The following GPR37 variants were observed in gnomAD, a reference collection of about 807,000 sequenced individuals.
GPR37 encodes G protein-coupled receptor 37.
GPR37 carries 20 observed loss-of-function variants against 43.6 expected under a neutral mutation model. That is an observed-to-expected ratio of 0.46 (90% confidence interval 0.32 to 0.67). The LOEUF is 0.67. GPR37 is among the 30% of genes least tolerant of loss of function. The pLI is 0.03. For missense variants in GPR37, 724 were observed against 797.2 expected (o/e 0.91, Z 1.11); for synonymous variants, 315 against 322.6 (o/e 0.98, Z 0.25).
At chr7:124,749,370 A>T (rs1424391081) in intron 1 of GPR37, among the ~76,000 whole-genome samples, 1 of 152,096 alleles carries the variant, frequency 6.6e-6, no homozygotes, top group African/African-American at 2.4e-5. Flanking sequence ...TGCTGGTAGG[A>T]AGGTTTAAGA....
At chr7:124,753,953 C>A (rs1461484449) in intron 1 of GPR37, among the ~76,000 whole-genome samples, 7 of 151,918 alleles carry the variant, frequency 4.6e-5, no homozygotes, top group Non-Finnish European at 7.4e-5. Flanking sequence ...AGTTACATGA[C>A]AACAATGACT....
At position 124,764,181 on chromosome 7, in the gene GPR37, A is replaced by G. The variant is rs2116329912; in HGVS notation, c.796T>C (p.Cys266Arg). ...QESYGAYAVMCLSVVIFGTGI... is the reference protein window; with the variant it reads ...QESYGAYAVMRLSVVIFGTGI... Reference sequence around the variant, plus strand: ...GTCCCGAAGATCACCACGGACAGACACATGACCGCGTAGGCTCCATAGGAC... The same window carrying G: ...GTCCCGAAGATCACCACGGACAGACGCATGACCGCGTAGGCTCCATAGGAC... The change falls in exon 1 of 2, where the codon TGT becomes CGT. Residue 266 changes from cysteine (C) to arginine (R), a missense_variant. Physicochemically the swap from Cys to Arg is radical, Grantham distance 180 (BLOSUM62 -3). Around this residue, in one of 2 missense-constraint regions of GPR37, gnomAD observed 382 missense variants for 355.4 expected, o/e 1.07. Coordinates refer to ENST00000303921, the MANE Select transcript of GPR37 (RefSeq NM_005302.5). This position sits in a 1 kb window ranked among gnomAD's most constrained non-coding sequence, Gnocchi z 5.4. 7 of 1,596,614 alleles carry G rather than the reference A, an allele frequency of 4.4e-6. No individual in the cohort carries two copies. The highest frequency in any genetic ancestry group is 1.1e-5 in the South Asian group (1 of 87,386).
chr7:124,759,457 C>T (rs1185476250), intron 1 of GPR37, among the ~76,000 whole-genome samples: 5 of 152,226 alleles, frequency 3.3e-5, no homozygotes, highest in Non-Finnish European at 7.3e-5. Flanking sequence ...TTGCAATCCA[C>T]ACCCACACAT....
In GPR37 at chr7:124,764,333, G is replaced by A. The variant is rs776021648; in HGVS notation, c.644C>T (p.Pro215Leu). 6.2e-6 allele frequency: 10 copies of A among 1,612,230 alleles called. No homozygotes were observed. The highest frequency in any genetic ancestry group is 2.2e-5 in the South Asian group (2 of 90,964). ...TCCATTCTGGGCCAGCGCCCGGCCCGGGAGTGCAATTGTCCACCCTTCGTG... is the reference window on the plus strand; with the variant it reads ...TCCATTCTGGGCCAGCGCCCGGCCCAGGAGTGCAATTGTCCACCCTTCGTG... ...AGHEGWTIAL[P>L]GRALAQNGSL... The change falls in exon 1 of 2, where the codon CCG (proline) becomes CTG (leucine). Residue 215 changes from proline to leucine, a missense_variant. Physicochemically the swap from Pro to Leu is moderately conservative, Grantham distance 98. Transcript: ENST00000303921. The surrounding 1 kb of genome is among the most constrained non-coding windows in gnomAD (Gnocchi z 5.4).
At position 124,746,450 on chromosome 7, in the gene GPR37, GAA is replaced by G; in HGVS notation, c.*73_*74del. The G allele has an allele frequency of 8.9e-7, 1 of 1,129,606 alleles. No individual in the cohort carries two copies. The highest frequency in any genetic ancestry group is 1.2e-6 in the Non-Finnish European group (1 of 808,222). 70.0% of individuals were successfully genotyped at this position (1,129,606 alleles called of 1,614,324 possible). ...TCTTTTTTGCATTTTTCCCTATAAG[GAA>G]AAATATGAATTAAAAACTTTCACGG... On this transcript the variant is annotated 3_prime_UTR_variant, in exon 2 of 2. Transcript: ENST00000303921.
intron 1 of GPR37, among the ~76,000 whole-genome samples, chr7:124,752,532 C>T (rs1399737494): frequency 6.6e-6 from 1 of 152,100 alleles, no homozygotes; most frequent in Admixed American, 6.6e-5. Context: ...CACTGTGACT[C>T]CCCTTGATCT....
chr7:124,745,856 C>T lies in GPR37; in HGVS notation c.*669G>A, dbSNP rs1395038704. The T allele has an allele frequency of 6.6e-6, 1 of 152,134 alleles. No individual in the cohort carries two copies. Among genetic ancestry groups the T allele is most frequent in the Non-Finnish European group, 1.5e-5 (1 of 68,022 alleles). 9.4% of individuals were successfully genotyped at this position (152,134 alleles called of 1,614,324 possible). On this transcript the variant is annotated 3_prime_UTR_variant, in exon 2 of 2. Transcript: ENST00000303921. ...TATTAAAAATACAGCTTTGTTTTAA[C>T]ATACAACATAGTTTTATGAATCATG...
chr7:124,751,093 A>G (rs1793725330), intron 1 of GPR37, among the ~76,000 whole-genome samples: 1 of 152,096 alleles, frequency 6.6e-6, no homozygotes, highest in Admixed American at 6.6e-5. Context: ...TCTGTTTTCA[A>G]ATTGAACTTT....
In GPR37 at chr7:124,744,508, C is replaced by G. The variant is rs940837747; in HGVS notation, c.*2017G>C. The G allele has an allele frequency of 2.0e-5, 3 of 152,144 alleles. No homozygotes were observed. The highest frequency in any genetic ancestry group is 4.4e-5 in the Non-Finnish European group (3 of 68,040). The allele number at this position is 152,144 out of a possible 1,614,324, so 9.4% of individuals were successfully genotyped here. A position where few individuals can be genotyped will look rare whatever the true frequency, so the allele number is the denominator to read the frequency against. On this transcript the variant is annotated 3_prime_UTR_variant, in exon 2 of 2. Coordinates refer to ENST00000303921, the MANE Select transcript of GPR37 (RefSeq NM_005302.5). ...CTATTCCTTTATAAATTAGCTCTCT[C>G]CTCCTGAAGTGTCCACTCCTCACAC...
Position 124,764,137 on chromosome 7 carries a change from C to T in GPR37, c.840G>A (p.Leu280=). Residue 280 remains leucine, a synonymous_variant, in exon 1 of 2, where the codon CTG becomes CTA. Coordinates refer to ENST00000303921, the MANE Select transcript of GPR37 (RefSeq NM_005302.5). The surrounding 1 kb of genome is among the most constrained non-coding windows in gnomAD (Gnocchi z 5.4). ...VIFGTGIIGN[L]AVMCIVCHNY... ...TGTGGCACACGATGCACATCACCGC[C>T]AGGTTGCCAATGATGCCGGTCCCGA... 6.2e-7 allele frequency: 1 copy of T among 1,609,308 alleles called. No homozygotes were observed. The highest frequency in any genetic ancestry group is 8.5e-7 in the Non-Finnish European group (1 of 1,177,176).
chr7:124,753,459 A>G (rs546317598), intron 1 of GPR37, among the ~76,000 whole-genome samples: 1 of 152,168 alleles, frequency 6.6e-6, no homozygotes, highest in East Asian at 1.9e-4. Flanking sequence ...TCCTTGCCTC[A>G]GTTTTCTTAA....
At chr7:124,760,619 AAAAAG>A (rs1562960078) in intron 1 of GPR37, among the ~76,000 whole-genome samples, 2 of 152,222 alleles carry the variant, frequency 1.3e-5, no homozygotes, top group African/African-American at 4.8e-5. Context: ...AGTGGATTAA[AAAAAG>A]AAAAAATTTT....
intron 1 of GPR37, among the ~76,000 whole-genome samples, chr7:124,762,140 T>C (rs1305509193): frequency 2.0e-5 from 3 of 152,184 alleles, no homozygotes; most frequent in African/African-American, 7.2e-5. Flanking sequence ...ATTACATTTG[T>C]ACAAACTCAG....
intron 1 of GPR37, among the ~76,000 whole-genome samples, chr7:124,757,151 G>A (rs755641638): frequency 3.9e-5 from 6 of 151,978 alleles, no homozygotes; most frequent in East Asian, 1.9e-4. Context: ...CTAAAGTATC[G>A]CCCTTGTCCA....
rs558713213 is a variant in GPR37, at chr7:124,746,446, T to G, written c.*79A>C. ...TGTTTCTTTTTTGCATTTTTCCCTA[T>G]AAGGAAAAATATGAATTAAAAACTT... On this transcript the variant is annotated 3_prime_UTR_variant, in exon 2 of 2. Transcript: ENST00000303921. 8 of 1,070,596 alleles carry G rather than the reference T, an allele frequency of 7.5e-6. No homozygotes were observed. The African/African-American group carries it at 1.1e-4, about 15-fold the overall frequency. 66.3% of individuals were successfully genotyped at this position (1,070,596 alleles called of 1,614,324 possible). A position where few individuals can be genotyped will look rare whatever the true frequency, so the allele number is the denominator to read the frequency against.
rs1244079567 is a variant in GPR37 at position 124,745,348 on chromosome 7, C to T, written c.*1177G>A. Among the ~76,000 whole-genome samples the T allele has an allele frequency of 1.3e-5, 2 of 152,142 alleles. No homozygotes were observed. Among genetic ancestry groups the T allele is most frequent in the East Asian group, 1.9e-4 (1 of 5,188 alleles). On this transcript the variant is annotated 3_prime_UTR_variant, in exon 2 of 2. Coordinates refer to ENST00000303921, the MANE Select transcript of GPR37 (RefSeq NM_005302.5). Reference sequence around the variant, plus strand: ...CCACCTGAGTTAGACATGTGTCCCACACAGCAAGCATCCTACACAACTGCT... The same window carrying T: ...CCACCTGAGTTAGACATGTGTCCCATACAGCAAGCATCCTACACAACTGCT...
At position 124,754,037 on chromosome 7, in the gene GPR37, C is replaced by T. The variant is rs36200536; in HGVS notation, c.1024-6694G>A. On this transcript the variant is annotated intron_variant, in intron 1 of 1. Coordinates refer to ENST00000303921, the MANE Select transcript of GPR37 (RefSeq NM_005302.5). ...AATGTATCGCTCTTTCCAGTAATTT[C>T]AAGTCCCATGTTTCCCTAGGTTTCT... 2.2e-4 allele frequency among the ~76,000 whole-genome samples: 33 copies of T among 152,126 alleles called. No individual in the cohort carries two copies. In the East Asian group the frequency reaches 5.8e-3, roughly 27 times the overall value.
chr7:124,752,804 A>G (rs1793747709), intron 1 of GPR37, among the ~76,000 whole-genome samples: 1 of 152,154 alleles, frequency 6.6e-6, no homozygotes. Context: ...TTGACTGTTT[A>G]TTAACAATGC....
At position 124,746,539 on chromosome 7, in the gene GPR37, C is replaced by T. The variant is rs1364344322; in HGVS notation, c.1828G>A (p.Gly610Arg). 5.0e-6 allele frequency: 8 copies of T among 1,602,860 alleles called. No individual in the cohort carries two copies. Among genetic ancestry groups the T allele is most frequent in the African/African-American group, 2.7e-5 (2 of 74,640 alleles). ...AGTACTGTCCTTCAGCAATGAGTTC[C>T]GACAGAAGCAAAAGTGGACATTTCA... ...RREMSTFASVGTHC is the reference protein window; with the variant it reads ...RREMSTFASVRTHC The change falls in exon 2 of 2, where the codon GGA (glycine) becomes AGA (arginine). Residue 610 changes from glycine (G) to arginine (R), a missense_variant. By Grantham distance (125) the Gly-to-Arg change is moderately radical. Transcript: ENST00000303921.
Sources: allele counts gnomAD v4.1 joint callset (sites outside exome capture counted in the v4.1 genomes callset), GRCh38; gene constraint gnomAD v4.1.1; regional missense constraint gnomAD v4.1.1; non-coding constraint Gnocchi (gnomAD v3.1); transcripts MANE v1.5; gene names NCBI Gene and HGNC (gene_info 2026-07-23, HGNC 2026-07-21).